Variants in TSLP observed in about 807,000 individuals in gnomAD.
TSLP encodes thymic stroma-derived lymphopoietin.
TSLP carries 12 observed loss-of-function variants against 12.4 expected under a neutral mutation model. The observed-to-expected ratio is 0.97, with a 90% CI of 0.62 to 1.57. The LOEUF is 1.57. TSLP is among the 40% of genes most tolerant of loss of function. The pLI, the probability that TSLP is intolerant of heterozygous loss-of-function variation, is 0.00. For missense variants in TSLP, 222 were observed against 189.6 expected, an observed-to-expected ratio of 1.17 and a Z score of -1.00; for synonymous variants, 97 against 69.5, an observed-to-expected ratio of 1.40 and a Z score of -1.97.
In TSLP at chr5:111,076,081, T is replaced by G; in HGVS notation, c.*7T>G. On this transcript the variant is annotated 3_prime_UTR_variant, in exon 4 of 4. Coordinates refer to ENST00000344895, the MANE Select transcript of TSLP (RefSeq NM_033035.5). The stretch of plus-strand genomic sequence containing the variant: ...TTTACTGAAACAACAGTAAACCATC[T>G]TTATTATGGTCATATTTCACAGCAC... 6.2e-7 allele frequency: 1 copy of G among 1,613,634 alleles called. No individual in the cohort carries two copies. The highest frequency in any genetic ancestry group is 2.2e-5 in the East Asian group (1 of 44,862).
intron 3 of TSLP, among the ~76,000 whole-genome samples, chr5:111,074,486 T>G (rs1214153903): frequency 6.6e-6 from 1 of 152,158 alleles, no homozygotes; most frequent in East Asian, 1.9e-4. Context: ...AATATTTATT[T>G]CAGTCAGCAA....
intron 2 of TSLP, 57 bp from the exon 3 acceptor site, chr5:111,073,454 C>G: frequency 6.2e-7 from 1 of 1,609,452 alleles, no homozygotes; most frequent in African/African-American, 1.3e-5. Context: ...TTCTCACCAA[C>G]TCTTTCTCTC....
intron 3 of TSLP, among the ~76,000 whole-genome samples, chr5:111,075,257 T>A (rs930525208): frequency 2.6e-5 from 4 of 152,144 alleles, no homozygotes; most frequent in Non-Finnish European, 1.5e-5. Flanking sequence ...CCTGTGACTT[T>A]ATTAATTTGC....
Position 111,077,672 on chromosome 5 carries a change from A to G in TSLP, c.*1598A>G, listed in dbSNP as rs768616075. ...CAAAATTTTGGGCCCAATTCCCCTA[A>G]AAGAATTGAGGATTAGGGAGAAAGG... On this transcript the variant is annotated 3_prime_UTR_variant, in exon 4 of 4. Coordinates refer to ENST00000344895, the MANE Select transcript of TSLP (RefSeq NM_033035.5). 1.3e-5 allele frequency: 2 copies of G among 152,652 alleles called. No homozygotes were observed. Among genetic ancestry groups the G allele is most frequent in the Non-Finnish European group, 2.9e-5 (2 of 68,040 alleles). 9.5% of individuals were successfully genotyped at this position (152,652 alleles called of 1,614,324 possible). A position where few individuals can be genotyped will look rare whatever the true frequency, so the allele number is the denominator to read the frequency against.
intron 3 of TSLP, 96 bp downstream of exon 3, chr5:111,073,741 G>A: frequency 7.1e-7 from 1 of 1,405,058 alleles, no homozygotes. Context: ...TTTTTATTTA[G>A]GTTTTATCTT....
Position 111,076,141 on chromosome 5 carries a change from T to G in TSLP, c.*67T>G. 1.3e-6 allele frequency: 2 copies of G among 1,551,720 alleles called. No homozygotes were observed. Among genetic ancestry groups the G allele is most frequent in the South Asian group, 2.3e-5 (2 of 87,132 alleles). On this transcript the variant is annotated 3_prime_UTR_variant, in exon 4 of 4. Transcript: ENST00000344895. ...TCATCTTTATTAAGTAGATGAAACATTAACTCTAACTGTGACAAAGAAGAC... is the reference window on the plus strand; with the variant it reads ...TCATCTTTATTAAGTAGATGAAACAGTAACTCTAACTGTGACAAAGAAGAC...
chr5:111,075,990 C>G lies in TSLP; in HGVS notation c.396C>G (p.Val132=). The G allele has an allele frequency of 6.2e-7, 1 of 1,614,050 alleles. No individual in the cohort carries two copies. The highest frequency in any genetic ancestry group is 8.5e-7 in the Non-Finnish European group (1 of 1,179,972). Residue 132 remains valine, a synonymous_variant, in exon 4 of 4, where the codon GTC becomes GTG. Transcript: ENST00000344895. ...TGAAGAAGAGGAGAAAAAGGAAAGT[C>G]ACAACCAATAAATGTCTGGAACAAG... ...QAMKKRRKRK[V]TTNKCLEQVS... is the part of the protein sequence containing the mutation.
At position 111,071,719 on chromosome 5, in the gene TSLP, G is replaced by T. The variant is rs78910837; in HGVS notation, c.-172G>T. The T allele has an allele frequency of 1.1e-5, 13 of 1,215,498 alleles. No homozygotes were observed. In the East Asian group the frequency reaches 3.2e-4, roughly 30 times the overall value. The allele number at this position is 1,215,498 out of a possible 1,614,324, so 75.3% of individuals were successfully genotyped here. A position where few individuals can be genotyped will look rare whatever the true frequency, so the allele number is the denominator to read the frequency against. On this transcript the variant is annotated 5_prime_UTR_variant, in exon 1 of 4. Transcript: ENST00000344895. ...AGCCAGAAAGCTCTGGAGCATCAGG[G>T]AGACTCCAACTTAAGGCAACAGCAT...
At position 111,073,594 on chromosome 5, in the gene TSLP, G is replaced by GAA. The variant is rs1364022787; in HGVS notation, c.303_304dup (p.Thr102LysfsTer6). 2.5e-6 allele frequency: 4 copies of GAA among 1,614,094 alleles called. No homozygotes were observed. ...CGCTCGCCAAAGAAATGTTCGCCATGAAAACTAAGGCTGCCTTAGCTATCT... is the reference window on the plus strand; with the variant it reads ...CGCTCGCCAAAGAAATGTTCGCCATGAAAAAACTAAGGCTGCCTTAGCTATCT... On this transcript the variant is annotated frameshift_variant, in exon 3 of 4. Transcript: ENST00000344895. LOFTEE classifies it low-confidence loss of function (END_TRUNC).
chr5:111,071,236 C>T (rs747012367), upstream of TSLP: 1 of 449,736 alleles, frequency 2.2e-6, no homozygotes, highest in Non-Finnish European at 3.9e-6. Flanking sequence ...CTGCACCCCA[C>T]CCTCCAAAGC....
At chr5:111,071,673 C>T (rs1463412034), upstream of TSLP, 7 of 1,330,258 alleles carry the variant, frequency 5.3e-6, no homozygotes, top group Admixed American at 2.8e-5. Flanking sequence ...AGCCCGTAGG[C>T]GTTTAGGTGT....
At position 111,073,612 on chromosome 5, in the gene TSLP, AGCT is replaced by A; in HGVS notation, c.319_321del (p.Ala107del). The A allele has an allele frequency of 1.2e-6, 2 of 1,614,220 alleles. No individual in the cohort carries two copies. Among genetic ancestry groups the A allele is most frequent in the Non-Finnish European group, 8.5e-7 (1 of 1,180,030 alleles). On this transcript the variant is annotated inframe_deletion, in exon 3 of 4. Transcript: ENST00000344895. ...TCGCCATGAAAACTAAGGCTGCCTT[AGCT>A]ATCTGGTGCCCAGGCTATTCGGAAA...
At chr5:111,072,183 T>C in intron 1 of TSLP, 122 bp downstream of exon 1, 1 of 810,828 alleles carries the variant, frequency 1.2e-6, no homozygotes, top group Non-Finnish European at 1.9e-6. Flanking sequence ...GCCCCACATT[T>C]TGTCAAGGAT....
chr5:111,073,267 A>G, intron 2 of TSLP: 1 of 1,411,020 alleles, frequency 7.1e-7, no homozygotes, highest in Non-Finnish European at 9.2e-7. Context: ...GAGACTTGGG[A>G]GGAGCGAGCG....
chr5:111,076,087 A>G lies in TSLP; in HGVS notation c.*13A>G. The G allele has an allele frequency of 6.2e-7, 1 of 1,613,520 alleles. No individual in the cohort carries two copies. Among genetic ancestry groups the G allele is most frequent in the Non-Finnish European group, 8.5e-7 (1 of 1,179,768 alleles). ...GAAACAACAGTAAACCATCTTTATT[A>G]TGGTCATATTTCACAGCACCAAAAT... On this transcript the variant is annotated 3_prime_UTR_variant, in exon 4 of 4. Transcript: ENST00000344895.
Position 111,076,192 on chromosome 5 carries a change from G to A in TSLP, c.*118G>A. 8.1e-7 allele frequency: 1 copy of A among 1,232,730 alleles called. No homozygotes were observed. The highest frequency in any genetic ancestry group is 1.2e-6 in the Non-Finnish European group (1 of 868,782). The allele number at this position is 1,232,730 out of a possible 1,614,324, so 76.4% of individuals were successfully genotyped here. On this transcript the variant is annotated 3_prime_UTR_variant, in exon 4 of 4. Coordinates refer to ENST00000344895, the MANE Select transcript of TSLP (RefSeq NM_033035.5). ...CACAAATAGTTATCTTTTAATTACA[G>A]AAGAGTTTCTTAACTTACTTTTGTA...
At position 111,076,301 on chromosome 5, in the gene TSLP, C is replaced by T. The variant is rs1752505855; in HGVS notation, c.*227C>T. The T allele has an allele frequency of 8.0e-6, 4 of 500,850 alleles. No individual in the cohort carries two copies. The highest frequency in any genetic ancestry group is 5.2e-5 in the South Asian group (2 of 38,776). The allele number at this position is 500,850 out of a possible 1,614,324, so 31.0% of individuals were successfully genotyped here. A position where few individuals can be genotyped will look rare whatever the true frequency, so the allele number is the denominator to read the frequency against. On this transcript the variant is annotated 3_prime_UTR_variant, in exon 4 of 4. Transcript: ENST00000344895. ...AAGCTTCCATAACATTGATGACTGG[C>T]TTCATGGCAGTAATTCTCGGCTGTA...
chr5:111,072,953 T>A (rs748955626), intron 2 of TSLP, 21 bp downstream of exon 2: 1 of 1,614,032 alleles, frequency 6.2e-7, no homozygotes. Context: ...AGTTCAGTGC[T>A]GCTGGCTTTC....
At chr5:111,070,775 T>A (rs1752321667), upstream of TSLP, 1 of 152,286 alleles carries the variant, frequency 6.6e-6, no homozygotes, top group Non-Finnish European at 1.5e-5. Context: ...GACAGACGTT[T>A]TCCAGTCTAC....
Sources: allele counts gnomAD v4.1 joint callset (sites outside exome capture counted in the v4.1 genomes callset), GRCh38; gene constraint gnomAD v4.1.1; transcripts MANE v1.5; gene names NCBI Gene and HGNC (gene_info 2026-07-23, HGNC 2026-07-21).